The following BMPER variants were observed in gnomAD, a reference collection of about 807,000 sequenced individuals.
BMPER encodes the protein BMP-binding endothelial regulator protein.
BMPER carries 45 observed loss-of-function variants against 87.3 expected under a neutral mutation model. The observed-to-expected ratio is 0.52, with a 90% CI of 0.41 to 0.66. The LOEUF is 0.66. Ranked by LOEUF, BMPER falls within the 30% of genes least tolerant of loss-of-function variation. The pLI, the probability that BMPER is intolerant of heterozygous loss-of-function variation, is 0.00. For missense variants in BMPER, 784 were observed against 867.5 expected, an observed-to-expected ratio of 0.90 and a Z score of 1.21; for synonymous variants, 326 against 316.2, an observed-to-expected ratio of 1.03 and a Z score of -0.33.
chr7:34,138,497 T>C (rs572452978), intron 13 of BMPER, among the ~76,000 whole-genome samples: 1 of 152,278 alleles, frequency 6.6e-6, no homozygotes, highest in East Asian at 1.9e-4. Context: ...CTTGCCCTAT[T>C]GTGGCACTGA....
intron 6 of BMPER, chr7:34,042,595 G>T (rs1430065567): frequency 6.6e-6 from 1 of 152,146 alleles, no homozygotes; most frequent in Non-Finnish European, 1.5e-5. Context: ...AAACGCAACG[G>T]TAAGTGGATG....
At chr7:34,091,224 C>T (rs752376263) in intron 13 of BMPER, among the ~76,000 whole-genome samples, 16 of 152,150 alleles carry the variant, frequency 1.1e-4, no homozygotes, top group Admixed American at 2.0e-4. Flanking sequence ...AGAAAATATA[C>T]AGGCAAGGGG....
chr7:34,020,364 C>A (rs1787146976), intron 6 of BMPER, among the ~76,000 whole-genome samples: 1 of 152,064 alleles, frequency 6.6e-6, no homozygotes, highest in South Asian at 2.1e-4. Flanking sequence ...GGGGCACAGT[C>A]TTATCTGGAG....
chr7:33,967,592 A>G (rs1785436646), intron 4 of BMPER, among the ~76,000 whole-genome samples: 1 of 152,242 alleles, frequency 6.6e-6, no homozygotes, highest in African/African-American at 2.4e-5. Context: ...TATAAATAAT[A>G]CATTATTAAA....
chr7:33,921,555 A>G (rs1784231310), intron 2 of BMPER, among the ~76,000 whole-genome samples: 1 of 152,180 alleles, frequency 6.6e-6, no homozygotes, highest in Non-Finnish European at 1.5e-5. Context: ...GAGACCCAGC[A>G]AATAGCTTCC....
chr7:34,149,975 T>C (rs1249398315), intron 14 of BMPER, among the ~76,000 whole-genome samples: 2 of 152,112 alleles, frequency 1.3e-5, no homozygotes, highest in East Asian at 1.9e-4. Context: ...AGGGAGAAGA[T>C]TAATTTGCTA....
Position 34,078,912 on chromosome 7 carries a change from G to C in BMPER, c.1134G>C (p.Arg378=), listed in dbSNP as rs754319343. Residue 378 remains arginine, a synonymous_variant, in exon 12 of 15, where the codon CGG becomes CGC. Transcript: ENST00000649409. ...CCCACTACAACACTTTTGACGGTCG[G>C]ACATTTAACTTTCAGGGGACGTGTC... The part of the protein sequence containing the change: ...GDPHYNTFDG[R]TFNFQGTCQY... 6.8e-6 allele frequency: 11 copies of C among 1,614,058 alleles called. No individual in the cohort carries two copies. Among genetic ancestry groups the C allele is most frequent in the Non-Finnish European group, 9.3e-6 (11 of 1,180,044 alleles).
intron 3 of BMPER, among the ~76,000 whole-genome samples, chr7:33,953,782 C>T (rs1424422831): frequency 6.6e-6 from 1 of 152,146 alleles, no homozygotes; most frequent in Non-Finnish European, 1.5e-5. Context: ...ACTCTATACC[C>T]ATTAAACAAT....
In BMPER at chr7:33,964,976, A is replaced by C. The variant is rs1028878659; in HGVS notation, c.320-1503A>C. On this transcript the variant is annotated intron_variant, in intron 3 of 14. Transcript: ENST00000649409. ...TTTATTATCTGAATGAGTCTGTGTT[A>C]GTGGATCAGACATGCACATGGCACG... 4.6e-5 allele frequency among the ~76,000 whole-genome samples: 7 copies of C among 152,164 alleles called. No individual in the cohort carries two copies. The South Asian group carries it at 8.3e-4, about 18-fold the overall frequency.
At chr7:34,069,950 C>T (rs1435688920) in intron 11 of BMPER, among the ~76,000 whole-genome samples, 1 of 152,116 alleles carries the variant, frequency 6.6e-6, no homozygotes, top group African/African-American at 2.4e-5. Flanking sequence ...TACTCTCTGC[C>T]CTCATTCATT....
intron 3 of BMPER, among the ~76,000 whole-genome samples, chr7:33,951,419 C>A (rs1044484128): frequency 1.3e-5 from 2 of 152,096 alleles, no homozygotes; most frequent in African/African-American, 4.8e-5. Flanking sequence ...CATACTCTAA[C>A]CTTTGCTTGG....
chr7:34,002,882 C>A (rs971044194), intron 6 of BMPER, among the ~76,000 whole-genome samples: 3 of 151,526 alleles, frequency 2.0e-5, no homozygotes, highest in African/African-American at 7.3e-5. Flanking sequence ...CTTTTACTTT[C>A]AACTTACTTG....
At chr7:33,960,862 A>C (rs1785252963) in intron 3 of BMPER, among the ~76,000 whole-genome samples, 2 of 152,170 alleles carry the variant, frequency 1.3e-5, no homozygotes, top group South Asian at 4.1e-4. Flanking sequence ...GAAATTAAGC[A>C]TTTATCAAGT....
chr7:34,121,515 A>C (rs1422600841), intron 13 of BMPER, among the ~76,000 whole-genome samples: 1 of 152,170 alleles, frequency 6.6e-6, no homozygotes, highest in Non-Finnish European at 1.5e-5. Flanking sequence ...CTTGAAGTTT[A>C]TTCTGTTTGC....
chr7:33,907,039 G>T (rs564171620), intron 2 of BMPER, 136 bp downstream of exon 2: 2 of 853,370 alleles, frequency 2.3e-6, no homozygotes, highest in Non-Finnish European at 3.8e-6. Context: ...CATAGTTTGT[G>T]AGTTGAATCC....
Position 34,153,246 on chromosome 7 carries a change from C to A in BMPER, c.2031C>A (p.Ile677=). The change falls in exon 15 of 15, where the codon ATC becomes ATA. Residue 677 remains isoleucine, a synonymous_variant. Transcript: ENST00000649409. ...TGGTCCTTCACAAGGGAAGGTGCAT[C>A]AAGCCAGTCCTTTGTCCCCAGCGGT... The part of the protein sequence containing the change: ...ANLVLHKGRC[I]KPVLCPQR 1 of 1,614,046 alleles carries A rather than the reference C, an allele frequency of 6.2e-7. No homozygotes were observed. Among genetic ancestry groups the A allele is most frequent in the Non-Finnish European group, 8.5e-7 (1 of 1,179,976 alleles).
rs577420908 is a variant in BMPER at position 34,054,650 on chromosome 7, G to A, written c.787-513G>A. ...GTCCAGTTTTGAAACTGTTGGTTCAGTCCCTTGGTGAGCACAGAACACACT... is the reference window on the plus strand; with the variant it reads ...GTCCAGTTTTGAAACTGTTGGTTCAATCCCTTGGTGAGCACAGAACACACT... On this transcript the variant is annotated intron_variant, in intron 8 of 14. Coordinates refer to ENST00000649409, the MANE Select transcript of BMPER (RefSeq NM_001365308.1). 1.4e-4 allele frequency among the ~76,000 whole-genome samples: 22 copies of A among 152,322 alleles called. No homozygotes were observed. In the South Asian group the frequency reaches 4.6e-3, roughly 32 times the overall value.
intron 6 of BMPER, among the ~76,000 whole-genome samples, chr7:34,039,930 A>G (rs1787792422): frequency 6.6e-6 from 1 of 152,036 alleles, no homozygotes; most frequent in South Asian, 2.1e-4. Context: ...TTATTTGAAA[A>G]TAGAGGATTA....
At chr7:34,000,264 A>G (rs1786543979) in intron 6 of BMPER, among the ~76,000 whole-genome samples, 4 of 152,306 alleles carry the variant, frequency 2.6e-5, no homozygotes, top group South Asian at 4.1e-4. Flanking sequence ...GCAACCATTC[A>G]TTCATTTATT....
Sources: allele counts gnomAD v4.1 joint callset (sites outside exome capture counted in the v4.1 genomes callset), GRCh38; gene constraint gnomAD v4.1.1; transcripts MANE v1.5; gene names NCBI Gene and HGNC (gene_info 2026-07-23, HGNC 2026-07-21).